COG5: variants seen among roughly 807,000 people sequenced by gnomAD.
COG5 encodes the protein component of oligomeric golgi complex 5, also known as conserved oligomeric Golgi complex subunit 5.
In COG5, 86 loss-of-function variants were observed where a neutral mutation model predicts 110.4. The observed-to-expected ratio is 0.78, with a 90% confidence interval of 0.65 to 0.93. The LOEUF is 0.93. COG5 is among the 40% of genes least tolerant of loss of function. The probability of loss-of-function intolerance (pLI) is 0.00; values close to 1 mark genes in which losing one functional copy is unlikely to be tolerated. For synonymous variants in COG5, 360 were observed against 334.6 expected, an observed-to-expected ratio of 1.08 and a Z score of -0.83; for missense variants, 1,077 against 987.0, an observed-to-expected ratio of 1.09 and a Z score of -1.22.
intron 7 of COG5, among the ~76,000 whole-genome samples, chr7:107,391,017 T>C (rs925275696): frequency 1.3e-5 from 2 of 152,102 alleles, no homozygotes; most frequent in South Asian, 4.1e-4. Context: ...AAGGGGTCTA[T>C]CTAAAAAGCT....
chr7:107,255,218 T>C (rs1295609502), intron 16 of COG5, among the ~76,000 whole-genome samples: 2 of 152,166 alleles, frequency 1.3e-5, no homozygotes, highest in Non-Finnish European at 1.5e-5. Context: ...AGATTTGTCA[T>C]ATTGACCTGA....
intron 6 of COG5, chr7:107,471,771 T>C (rs555860374): frequency 6.6e-6 from 1 of 152,180 alleles, no homozygotes; most frequent in African/African-American, 2.4e-5. Flanking sequence ...TTTTCTGCAC[T>C]AAATATTCAG....
intron 16 of COG5, among the ~76,000 whole-genome samples, chr7:107,250,351 G>T (rs941198382): frequency 6.6e-6 from 1 of 152,030 alleles, no homozygotes; most frequent in East Asian, 1.9e-4. Context: ...ACTGACTGAG[G>T]TGTGGCCAAC....
chr7:107,473,438 G>T (rs1238986773), intron 6 of COG5, among the ~76,000 whole-genome samples: 2 of 151,784 alleles, frequency 1.3e-5, no homozygotes, highest in Non-Finnish European at 2.9e-5. Context: ...TTAATCACTG[G>T]CCTATTTCTG....
chr7:107,260,635 T>C (rs141988208), intron 14 of COG5, among the ~76,000 whole-genome samples: 91 of 152,172 alleles, frequency 6.0e-4, no homozygotes, highest in African/African-American at 2.1e-3. Flanking sequence ...CTGTGAACCT[T>C]GTGAAAATGA....
chr7:107,256,539 A>G (rs1219160595), intron 16 of COG5, among the ~76,000 whole-genome samples, 193 bp downstream of exon 16: 3 of 152,178 alleles, frequency 2.0e-5, no homozygotes, highest in South Asian at 4.1e-4. Context: ...GTAGACACCA[A>G]AAGGGTCTAT....
chr7:107,275,483 C>T (rs1804630805), intron 14 of COG5, among the ~76,000 whole-genome samples: 1 of 151,438 alleles, frequency 6.6e-6, no homozygotes, highest in Non-Finnish European at 1.5e-5. Flanking sequence ...ACAACATAAG[C>T]TATTACCATA....
At chr7:107,461,073 G>T (rs1795961962) in intron 6 of COG5, among the ~76,000 whole-genome samples, 1 of 151,968 alleles carries the variant, frequency 6.6e-6, no homozygotes, top group African/African-American at 2.4e-5. Flanking sequence ...TGGAGAAAAA[G>T]AACATCTTTC....
chr7:107,256,711 T>C, intron 16 of COG5, 21 bp downstream of exon 16: 1 of 1,562,102 alleles, frequency 6.4e-7, no homozygotes, highest in Non-Finnish European at 8.8e-7. Context: ...ATCTATAGAG[T>C]CAAAGATTAA....
At chr7:107,499,573 T>A (rs1409295499) in intron 6 of COG5, among the ~76,000 whole-genome samples, 4 of 151,970 alleles carry the variant, frequency 2.6e-5, no homozygotes, top group African/African-American at 9.7e-5. Context: ...GCCCAGCTAA[T>A]TTTTTGTATT....
At chr7:107,309,799 T>A (rs547360101) in intron 11 of COG5, among the ~76,000 whole-genome samples, 2 of 151,802 alleles carry the variant, frequency 1.3e-5, no homozygotes, top group African/African-American at 4.8e-5. Flanking sequence ...AAAATACTTA[T>A]ATGGCTTCAA....
At chr7:107,351,920 A>G (rs2129041712) in intron 10 of COG5, among the ~76,000 whole-genome samples, 1 of 148,620 alleles carries the variant, frequency 6.7e-6, no homozygotes, top group East Asian at 2.0e-4. Flanking sequence ...TCAGGGATCT[A>G]GAAGTAGAAA....
chr7:107,471,495 A>G (rs1180295653), intron 6 of COG5: 1 of 152,078 alleles, frequency 6.6e-6, no homozygotes, highest in East Asian at 1.9e-4. Context: ...TTAAGACATT[A>G]AGGAGTTAAA....
At chr7:107,460,374 G>A (rs1475720824) in intron 6 of COG5, among the ~76,000 whole-genome samples, 3 of 151,800 alleles carry the variant, frequency 2.0e-5, no homozygotes, top group Middle Eastern at 3.2e-3. Flanking sequence ...CCCTGGGTGA[G>A]AGAGCAAAAC....
intron 5 of COG5, among the ~76,000 whole-genome samples, 188 bp from the exon 6 acceptor site, chr7:107,527,545 G>A (rs1470142291): frequency 1.3e-5 from 2 of 152,132 alleles, no homozygotes. Context: ...CTCACATTGT[G>A]CTTAATATGT....
intron 11 of COG5, among the ~76,000 whole-genome samples, chr7:107,308,835 A>T (rs954194958): frequency 6.6e-5 from 10 of 151,758 alleles, no homozygotes; most frequent in Non-Finnish European, 1.0e-4. Flanking sequence ...GTATACTAAA[A>T]TTATTCCATC....
intron 12 of COG5, among the ~76,000 whole-genome samples, chr7:107,284,547 G>A (rs558673617): frequency 1.3e-5 from 2 of 152,226 alleles, no homozygotes; most frequent in South Asian, 4.1e-4. Context: ...TAACAAGAGT[G>A]AGACAAAATA....
chr7:107,493,120 T>G (rs1798071397), intron 6 of COG5, among the ~76,000 whole-genome samples: 1 of 152,166 alleles, frequency 6.6e-6, no homozygotes, highest in Non-Finnish European at 1.5e-5. Flanking sequence ...GTTCTCTCAC[T>G]TCTGCTCTTA....
chr7:107,389,761 G>C (rs752408230), intron 7 of COG5, among the ~76,000 whole-genome samples: 85 of 152,198 alleles, frequency 5.6e-4, no homozygotes, highest in South Asian at 1.0e-3. Context: ...GCCGATGGGG[G>C]GATGGGATAT....
Sources: allele counts gnomAD v4.1 joint callset (sites outside exome capture counted in the v4.1 genomes callset), GRCh38; gene constraint gnomAD v4.1.1; transcripts MANE v1.5; gene names NCBI Gene and HGNC (gene_info 2026-07-23, HGNC 2026-07-21).